The following CYRIB variants were observed in gnomAD, a reference collection of about 807,000 sequenced individuals.
CYRIB encodes the protein CYFIP related Rac1 interactor B, also known as CYFIP-related Rac1 interactor B.
A neutral mutation model predicts 44.2 loss-of-function variants in CYRIB; 8 were observed. That is an observed-to-expected ratio of 0.18 (90% CI 0.11 to 0.33). CYRIB has a LOEUF of 0.33. Among genes scored for constraint, CYRIB ranks in the 10% least tolerant of loss-of-function variants. The pLI is 1.00. For missense variants in CYRIB, 185 were observed against 382.8 expected (o/e 0.48, Z 4.31); for synonymous variants, 131 against 127.2 (o/e 1.03, Z -0.20).
intron 11 of CYRIB, among the ~76,000 whole-genome samples, 173 bp downstream of exon 13, chr8:129,846,631 C>T (rs9886600): frequency 0.053 from 8,025 of 152,222 alleles, 692 homozygotes; most frequent in African/African-American, 0.18. Flanking sequence ...CATAAAATAC[C>T]GTAACCAGTG....
intron 10 of CYRIB, among the ~76,000 whole-genome samples, chr8:129,848,075 G>C (rs2041222236): frequency 6.6e-6 from 1 of 152,056 alleles, no homozygotes; most frequent in South Asian, 2.1e-4. Context: ...CAAAGTGCTG[G>C]GATTACAGGC....
At chr8:129,991,540 C>G (rs1270898778) in intron 1 of CYRIB, among the ~76,000 whole-genome samples, 1 of 152,098 alleles carries the variant, frequency 6.6e-6, no homozygotes, top group Non-Finnish European at 1.5e-5. Flanking sequence ...AGCTTAGCCC[C>G]CTCACCATGT....
At chr8:129,851,765 G>A (rs891450877) in intron 8 of CYRIB, 2 of 153,762 alleles carry the variant, frequency 1.3e-5, no homozygotes, top group Non-Finnish European at 2.9e-5. Context: ...CTGAGATCAC[G>A]CCATTGCACT....
At chr8:129,957,540 A>AT (rs1168346789) in intron 2 of CYRIB, among the ~76,000 whole-genome samples, 10 of 152,300 alleles carry the variant, frequency 6.6e-5, no homozygotes, top group Non-Finnish European at 1.0e-4. Flanking sequence ...TGAATTTCAA[A>AT]TTTTTTTATT....
chr8:129,945,661 C>A (rs1298546701), intron 2 of CYRIB, among the ~76,000 whole-genome samples: 1 of 152,148 alleles, frequency 6.6e-6, no homozygotes, highest in Non-Finnish European at 1.5e-5. Flanking sequence ...CTCCGCCTCC[C>A]GAGTTCAAGC....
chr8:130,003,085 G>A (rs1022467999), intron 1 of CYRIB, among the ~76,000 whole-genome samples: 4 of 152,176 alleles, frequency 2.6e-5, no homozygotes, highest in Non-Finnish European at 5.9e-5. Context: ...AACCACTGCT[G>A]TTCCCAATTG....
intron 2 of CYRIB, among the ~76,000 whole-genome samples, chr8:129,952,433 A>G (rs1000775180): frequency 5.3e-5 from 8 of 152,268 alleles, no homozygotes; most frequent in African/African-American, 1.9e-4. Flanking sequence ...AAAGTTATAT[A>G]TAATAGAATG....
At chr8:130,006,607 C>CACATATATATGTGTATAT (rs1359122569) in intron 1 of CYRIB, among the ~76,000 whole-genome samples, 2 of 7,136 alleles carry the variant, frequency 2.8e-4, no homozygotes, top group African/African-American at 8.2e-4. Context: ...TATATATATA[C>CACATATATATGTGTATAT]ATATATATGT....
exon 10 of CYRIB, chr8:129,849,329 A>G: frequency 6.2e-7 from 1 of 1,613,634 alleles, no homozygotes; most frequent in Non-Finnish European, 8.5e-7. Flanking sequence ...CTCAAGCAGA[A>G]TGACACTGTC....
intron 2 of CYRIB, chr8:129,948,650 C>A (rs1017426041): frequency 6.6e-6 from 1 of 152,172 alleles, no homozygotes; most frequent in Non-Finnish European, 1.5e-5. Flanking sequence ...AAGGGTGGGC[C>A]GTTCACTTCT....
chr8:129,864,852 C>A, intron 4 of CYRIB: 1 of 418,148 alleles, frequency 2.4e-6, no homozygotes, highest in Non-Finnish European at 4.7e-6. Flanking sequence ...TGAGGTTTTC[C>A]TCATTGATCA....
intron 2 of CYRIB, among the ~76,000 whole-genome samples, chr8:129,960,944 A>G (rs577187043): frequency 1.2e-4 from 15 of 129,028 alleles, no homozygotes; most frequent in African/African-American, 3.7e-4. Context: ...AGCAAGACTC[A>G]GTCTCAAAAA....
chr8:129,856,062 T>C (rs2046067088), intron 5 of CYRIB, among the ~76,000 whole-genome samples: 1 of 152,248 alleles, frequency 6.6e-6, no homozygotes, highest in South Asian at 2.1e-4. Context: ...TTATATTACT[T>C]TAATCACTTC....
chr8:129,845,233 T>C (rs2039166256), intron 11 of CYRIB, among the ~76,000 whole-genome samples: 2 of 152,204 alleles, frequency 1.3e-5, no homozygotes, highest in Admixed American at 6.5e-5. Context: ...GAAAGAATCC[T>C]AAAACCTCCT....
rs527952598 is a variant in CYRIB, at chr8:129,967,743, G to A, written c.-243+3200C>T. Among the ~76,000 whole-genome samples the A allele has an allele frequency of 1.1e-4, 16 of 152,280 alleles. No individual in the cohort carries two copies. In the South Asian group the frequency reaches 1.2e-3, roughly 12 times the overall value. Reference sequence around the variant, plus strand: ...ACCAATGTAGACTACAGTGAAAACTGAGGGTATACCACCCTCCTTTGAATA... The same window carrying A: ...ACCAATGTAGACTACAGTGAAAACTAAGGGTATACCACCCTCCTTTGAATA... On this transcript the variant is annotated intron_variant, in intron 2 of 14. Transcript: ENST00000401979.
At chr8:129,840,115 G>C (rs950208905) in exon 12 of CYRIB, 1 of 167,482 alleles carries the variant, frequency 6.0e-6, no homozygotes, top group Non-Finnish European at 1.4e-5. Flanking sequence ...GATTCTTAAG[G>C]CTGCTGTACC....
At chr8:129,998,113 C>G (rs1486598170) in intron 1 of CYRIB, among the ~76,000 whole-genome samples, 3 of 123,110 alleles carry the variant, frequency 2.4e-5, no homozygotes, top group African/African-American at 1.1e-4. Context: ...CAGCGAGACT[C>G]TGTCTCAAAA....
chr8:129,968,221 G>A (rs2095558957), intron 2 of CYRIB, among the ~76,000 whole-genome samples: 1 of 152,168 alleles, frequency 6.6e-6, no homozygotes, highest in South Asian at 2.1e-4. Context: ...AATTTTAACT[G>A]TCATCGTCTC....
intron 2 of CYRIB, among the ~76,000 whole-genome samples, chr8:129,957,901 C>T (rs553107768): frequency 6.7e-6 from 1 of 148,726 alleles, no homozygotes; most frequent in South Asian, 2.1e-4. Flanking sequence ...GGAGGCAGAG[C>T]TTGCAGTGAG....
Sources: gnomAD v4.1 joint callset for allele counts (sites outside exome capture counted in the v4.1 genomes callset) on GRCh38, gnomAD v4.1.1 for gene constraint, MANE v1.5 for transcripts, NCBI Gene and HGNC (gene_info 2026-07-23, HGNC 2026-07-21) for gene names.